FGD4: variants seen among roughly 807,000 people sequenced by gnomAD.
The protein encoded by FGD4 is FYVE, RhoGEF and PH domain containing 4, also known as FYVE, RhoGEF and PH domain-containing protein 4.
In FGD4, 42 loss-of-function variants were observed where a neutral mutation model predicts 102.0. The ratio of observed to expected loss-of-function variants is 0.41; its 90% CI spans 0.32 to 0.53. FGD4 has a LOEUF of 0.53. Among genes scored for constraint, FGD4 ranks in the 20% least tolerant of loss-of-function variants. FGD4 has a pLI of 0.21. For synonymous variants in FGD4, 380 were observed against 375.7 expected, an observed-to-expected ratio of 1.01 and a Z score of -0.13; for missense variants, 902 against 1,078.2, an observed-to-expected ratio of 0.84 and a Z score of 2.29.
At chr12:32,572,563 C>T (rs563094236) in intron 2 of FGD4, among the ~76,000 whole-genome samples, 3 of 152,302 alleles carry the variant, frequency 2.0e-5, no homozygotes, top group African/African-American at 4.8e-5. Flanking sequence ...CCATTCTCAT[C>T]GTCTGTAATG....
At chr12:32,435,021 G>A (rs1304614274) in intron 1 of FGD4, among the ~76,000 whole-genome samples, 2 of 150,454 alleles carry the variant, frequency 1.3e-5, no homozygotes, top group African/African-American at 2.5e-5. Flanking sequence ...TTGGCTCACC[G>A]CTACCTCTGC....
At chr12:32,632,713 A>ATTTTTTT (rs372972257) in intron 14 of FGD4, among the ~76,000 whole-genome samples, 92 of 123,840 alleles carry the variant, frequency 7.4e-4, no homozygotes, top group African/African-American at 2.7e-3. Flanking sequence ...TTATTTATTT[A>ATTTTTTT]TTTTTTTTTT....
chr12:32,459,941 A>C (rs1315707496), intron 1 of FGD4, among the ~76,000 whole-genome samples: 1 of 151,956 alleles, frequency 6.6e-6, no homozygotes, highest in South Asian at 2.1e-4. Context: ...TCCTGACTCA[A>C]GTGATCCCCC....
At chr12:32,521,575 G>A (rs763084585) in intron 1 of FGD4, among the ~76,000 whole-genome samples, 3 of 152,164 alleles carry the variant, frequency 2.0e-5, no homozygotes, top group Non-Finnish European at 4.4e-5. Context: ...AATGTGTCCT[G>A]TATACTATAT....
At chr12:32,552,862 C>A (rs1452816449) in intron 1 of FGD4, among the ~76,000 whole-genome samples, 1 of 151,600 alleles carries the variant, frequency 6.6e-6, no homozygotes, top group African/African-American at 2.4e-5. Flanking sequence ...ACCGCAACCT[C>A]CACCTCCTGG....
At chr12:32,400,098 G>T in intron 1 of FGD4, 139 bp downstream of exon 1, 1 of 1,254,408 alleles carries the variant, frequency 8.0e-7, no homozygotes, top group Non-Finnish European at 1.0e-6. Flanking sequence ...GTGGAAGGCT[G>T]CGCTCGGCCA....
chr12:32,629,789 T>C (rs147411216), intron 14 of FGD4, among the ~76,000 whole-genome samples: 182 of 152,350 alleles, frequency 1.2e-3, no homozygotes, highest in African/African-American at 4.2e-3. Flanking sequence ...TGATAGTGTT[T>C]GTTGTTTGCC....
chr12:32,559,644 G>A (rs1055857802), intron 1 of FGD4, among the ~76,000 whole-genome samples: 4 of 152,140 alleles, frequency 2.6e-5, no homozygotes, highest in Non-Finnish European at 4.4e-5. Context: ...CTTATTGCAC[G>A]CATTTTGGCA....
intron 1 of FGD4, among the ~76,000 whole-genome samples, chr12:32,402,061 C>G (rs7312869): frequency 0.19 from 28,037 of 150,570 alleles, 3,636 homozygotes; most frequent in African/African-American, 0.36. Flanking sequence ...CGCCACCACG[C>G]CCGGCTAATT....
chr12:32,632,947 A>G (rs762335323), intron 14 of FGD4, among the ~76,000 whole-genome samples: 2 of 152,094 alleles, frequency 1.3e-5, no homozygotes, highest in Non-Finnish European at 1.5e-5. Flanking sequence ...GAGGCCTGTA[A>G]ACCAGTAAGA....
chr12:32,480,577 T>C (rs914325632), intron 1 of FGD4, among the ~76,000 whole-genome samples: 10 of 151,974 alleles, frequency 6.6e-5, no homozygotes, highest in African/African-American at 2.4e-4. Context: ...CTCAGCTCAC[T>C]GCAACCTCCA....
chr12:32,579,038 G>GTTTTTTT (rs1946366021), intron 3 of FGD4, among the ~76,000 whole-genome samples: 1 of 91,816 alleles, frequency 1.1e-5, no homozygotes, highest in Non-Finnish European at 2.1e-5. Flanking sequence ...GAACATTAGT[G>GTTTTTTT]GTTTTTTTTT....
At chr12:32,581,785 A>C (rs1400894279) in intron 3 of FGD4, 175 bp from the exon 4 acceptor site, 2 of 640,878 alleles carry the variant, frequency 3.1e-6, no homozygotes, top group Non-Finnish European at 5.3e-6. Context: ...AAATGTGGAT[A>C]GCATCCCAAG....
At chr12:32,470,463 CTTTT>C (rs551854980) in intron 1 of FGD4, among the ~76,000 whole-genome samples, 4 of 130,830 alleles carry the variant, frequency 3.1e-5, no homozygotes, top group Admixed American at 7.8e-5. Flanking sequence ...TTTTCTTTTT[CTTTT>C]TTTTTTTTTT....
At chr12:32,579,314 G>T (rs1220149012) in intron 3 of FGD4, among the ~76,000 whole-genome samples, 1 of 152,220 alleles carries the variant, frequency 6.6e-6, no homozygotes, top group South Asian at 2.1e-4. Flanking sequence ...AAAGTGCTGG[G>T]ATTACCGGCG....
chr12:32,563,994 AGAGAGG>A (rs2136284070), intron 1 of FGD4, 137 bp from the exon 2 acceptor site: 1 of 773,438 alleles, frequency 1.3e-6, no homozygotes, highest in East Asian at 3.1e-5. Flanking sequence ...GACCGTGGAA[AGAGAGG>A]GAGACCGTGG....
At chr12:32,596,655 G>C (rs1013796175) in intron 4 of FGD4, among the ~76,000 whole-genome samples, 1 of 151,348 alleles carries the variant, frequency 6.6e-6, no homozygotes, top group African/African-American at 2.4e-5. Flanking sequence ...CATGGAAGGG[G>C]CTGGGCGCAT....
intron 1 of FGD4, among the ~76,000 whole-genome samples, chr12:32,406,551 C>T (rs1940942550): frequency 6.6e-6 from 1 of 151,240 alleles, no homozygotes; most frequent in Non-Finnish European, 1.5e-5. Context: ...TAGACTCCAT[C>T]TCAAAAAAAT....
intron 2 of FGD4, among the ~76,000 whole-genome samples, chr12:32,571,853 G>T (rs941970664): frequency 2.0e-5 from 3 of 152,132 alleles, no homozygotes; most frequent in Non-Finnish European, 4.4e-5. Flanking sequence ...TGCATAGGGG[G>T]TGGGAGAGTA....
Sources: allele counts gnomAD v4.1 joint callset (sites outside exome capture counted in the v4.1 genomes callset), GRCh38; gene constraint gnomAD v4.1.1; transcripts MANE v1.5; gene names NCBI Gene and HGNC (gene_info 2026-07-23, HGNC 2026-07-21).